CSMD2: variants seen among roughly 807,000 people sequenced by gnomAD.
CSMD2 encodes the protein CUB and sushi domain-containing protein 2.
A neutral mutation model predicts 398.5 loss-of-function variants in CSMD2; 130 were observed. That is an observed-to-expected ratio of 0.33 (90% confidence interval 0.28 to 0.38). The LOEUF is 0.38. Ranked by LOEUF, CSMD2 falls within the 10% of genes least tolerant of loss-of-function variation. CSMD2 has a pLI of 1.00. For synonymous variants in CSMD2, 1,828 were observed against 1,908.5 expected (o/e 0.96, Z 1.10); for missense variants, 3,829 against 4,764.9 (o/e 0.80, Z 5.78).
At chr1:33,567,866 A>C (rs760805163) in intron 52 of CSMD2, 25 bp from the exon 53 acceptor site, 1 of 1,550,490 alleles carries the variant, frequency 6.4e-7, no homozygotes. Context: ...GGTGGGGAAA[A>C]GGACCAACTA....
Position 33,617,583 on chromosome 1 carries a change from C to T in CSMD2, c.5862G>A (p.Val1954=). 2 of 1,614,138 alleles carry T rather than the reference C, an allele frequency of 1.2e-6. No homozygotes were observed. Among genetic ancestry groups the T allele is most frequent in the Non-Finnish European group, 1.7e-6 (2 of 1,180,016 alleles). The change falls in exon 38 of 71, where the codon GTG becomes GTA. Residue 1954 remains valine (V), a synonymous_variant. Coordinates refer to ENST00000373381, the MANE Select transcript of CSMD2 (RefSeq NM_001281956.2). The part of the protein sequence containing the change: ...VGLSSCPEPA[V]PSNGVKTGER... ...CGCCAGTCTTCACCCCGTTACTGGG[C>T]ACAGCAGGTTCCGGACAACTGCTCA...
At position 33,515,308 on chromosome 1, in the gene CSMD2, G is replaced by A. The variant is rs533338192; in HGVS notation, c.*1316C>T. 6.6e-6 allele frequency: 1 copy of A among 152,244 alleles called. No homozygotes were observed. The allele number at this position is 152,244 out of a possible 1,614,324, so 9.4% of individuals were successfully genotyped here. A position where few individuals can be genotyped will look rare whatever the true frequency, so the allele number is the denominator to read the frequency against. On this transcript the variant is annotated 3_prime_UTR_variant, in exon 71 of 71. Coordinates refer to ENST00000373381, the MANE Select transcript of CSMD2 (RefSeq NM_001281956.2). ...CCAGCACCAACCGTGGGAGGCCTGG[G>A]GAGTTGAATCCTTGCCCCGAAGCTG...
chr1:33,615,054 C>T (rs899580345), intron 39 of CSMD2, among the ~76,000 whole-genome samples: 3 of 152,224 alleles, frequency 2.0e-5, no homozygotes, highest in African/African-American at 7.2e-5. Flanking sequence ...TGCATCAAGT[C>T]CCCACTCTGT....
At chr1:34,157,007 G>A (rs1466455221) in intron 1 of CSMD2, among the ~76,000 whole-genome samples, 1 of 152,122 alleles carries the variant, frequency 6.6e-6, no homozygotes, top group Non-Finnish European at 1.5e-5. Flanking sequence ...CTCTAGGGTA[G>A]GCACAATGTC....
Position 33,633,531 on chromosome 1 carries a change from C to T in CSMD2, c.5091G>A (p.Val1697=), listed in dbSNP as rs1389612444. 1 of 1,551,928 alleles carries T rather than the reference C, an allele frequency of 6.4e-7. No individual in the cohort carries two copies. Among genetic ancestry groups the T allele is most frequent in the African/African-American group, 1.4e-5 (1 of 73,228 alleles). ...TGTGAAAGAAGGCGAACTGGCCAAA[C>T]ACCACTGTGGAGGAGACACAGTGTG... ...YFVTVPKDYV[V]FGQFAFFHTA... Residue 1697 remains valine (V), a synonymous_variant, in exon 32 of 71, where the codon GTG becomes GTA. Coordinates refer to ENST00000373381, the MANE Select transcript of CSMD2 (RefSeq NM_001281956.2). This position sits in a 1 kb window ranked among gnomAD's most constrained non-coding sequence, Gnocchi z 5.0.
chr1:34,004,943 G>T (rs1205229602), intron 3 of CSMD2, among the ~76,000 whole-genome samples: 1 of 152,104 alleles, frequency 6.6e-6, no homozygotes, highest in Non-Finnish European at 1.5e-5. Flanking sequence ...AATCCTTTCT[G>T]GGCTGGGCTG....
At chr1:33,869,400 GAT>G (rs1640285994) in intron 5 of CSMD2, 1 of 152,190 alleles carries the variant, frequency 6.6e-6, no homozygotes, top group Admixed American at 6.5e-5. Flanking sequence ...CTATCTCTGG[GAT>G]ATGTTTTCTC....
intron 19 of CSMD2, among the ~76,000 whole-genome samples, chr1:33,718,799 T>A (rs1646258513): frequency 6.6e-6 from 1 of 152,210 alleles, no homozygotes; most frequent in African/African-American, 2.4e-5. Context: ...CTAAAGCATT[T>A]TAAAGGTTTT....
At chr1:33,804,130 A>C (rs1326160918) in intron 10 of CSMD2, among the ~76,000 whole-genome samples, 1 of 152,276 alleles carries the variant, frequency 6.6e-6, no homozygotes, top group African/African-American at 2.4e-5. Context: ...AGAATGAAAT[A>C]AAATCATTCA....
intron 1 of CSMD2, among the ~76,000 whole-genome samples, chr1:34,101,116 T>C (rs1421363761): frequency 1.3e-5 from 2 of 152,218 alleles, no homozygotes; most frequent in South Asian, 2.1e-4. Flanking sequence ...CCATGAAACG[T>C]TGAATTTCTT....
intron 3 of CSMD2, among the ~76,000 whole-genome samples, chr1:34,015,966 C>T (rs1648033811): frequency 6.6e-6 from 1 of 151,790 alleles, no homozygotes; most frequent in Non-Finnish European, 1.5e-5. Flanking sequence ...TCTGAAATCT[C>T]CTCCTCTATC....
At chr1:33,579,453 A>C (rs923419334) in intron 48 of CSMD2, among the ~76,000 whole-genome samples, 2 of 152,034 alleles carry the variant, frequency 1.3e-5, no homozygotes, top group Non-Finnish European at 2.9e-5. Flanking sequence ...GACTTTGCAG[A>C]GGATATGGGC....
chr1:33,586,792 G>A (rs1254179453), intron 45 of CSMD2, among the ~76,000 whole-genome samples, 175 bp from the exon 46 acceptor site: 2 of 152,156 alleles, frequency 1.3e-5, no homozygotes, highest in Non-Finnish European at 2.9e-5. Flanking sequence ...ACTCAGCCTT[G>A]TGTGAGCCTC....
At chr1:33,905,293 A>G (rs1394041777) in intron 5 of CSMD2, among the ~76,000 whole-genome samples, 2 of 152,204 alleles carry the variant, frequency 1.3e-5, no homozygotes, top group Non-Finnish European at 2.9e-5. Context: ...CCAAGCATAA[A>G]GGCTGGACAG....
Position 33,888,863 on chromosome 1 carries a change from G to A in CSMD2, c.920+29231C>T, listed in dbSNP as rs372813180. Among the ~76,000 whole-genome samples, 8 of 152,142 alleles carry A rather than the reference G, an allele frequency of 5.3e-5. No individual in the cohort carries two copies. In the East Asian group the frequency reaches 1.6e-3, roughly 30 times the overall value. On this transcript the variant is annotated intron_variant, in intron 5 of 70. Transcript: ENST00000373381. ...GCTCACTGCAAGCTCCGCCTCCCAG[G>A]TACATGCCATTCTCCTGCCTCAGCC...
At chr1:33,678,053 A>G (rs1273264989) in intron 25 of CSMD2, among the ~76,000 whole-genome samples, 1 of 151,912 alleles carries the variant, frequency 6.6e-6, no homozygotes, top group Non-Finnish European at 1.5e-5. Context: ...GCACATGTAT[A>G]CATATGTAAC....
chr1:33,871,960 A>G (rs1026535250), intron 5 of CSMD2, among the ~76,000 whole-genome samples: 1 of 152,156 alleles, frequency 6.6e-6, no homozygotes, highest in Non-Finnish European at 1.5e-5. Flanking sequence ...CCATTAATCC[A>G]TGGATGGATT....
intron 3 of CSMD2, among the ~76,000 whole-genome samples, chr1:33,959,536 G>T (rs1197793614): frequency 6.6e-6 from 1 of 151,990 alleles, no homozygotes; most frequent in Non-Finnish European, 1.5e-5. Flanking sequence ...ACATATCCAG[G>T]TTTAGTACTG....
At chr1:33,891,222 T>A (rs1339566377) in intron 5 of CSMD2, among the ~76,000 whole-genome samples, 62 of 148,264 alleles carry the variant, frequency 4.2e-4, no homozygotes, top group African/African-American at 1.3e-3. Flanking sequence ...AACAACCCCA[T>A]CAAAAAGTGG....
Sources: allele counts gnomAD v4.1 joint callset (sites outside exome capture counted in the v4.1 genomes callset), GRCh38; gene constraint gnomAD v4.1.1; non-coding constraint Gnocchi (gnomAD v3.1); transcripts MANE v1.5; gene names NCBI Gene and HGNC (gene_info 2026-07-23, HGNC 2026-07-21).